Variants in MARCHF1 observed in about 807,000 individuals in gnomAD.
MARCHF1 encodes the protein membrane associated ring-CH-type finger 1.
Under a neutral mutation model 54.2 loss-of-function variants are expected in MARCHF1, and 40 were observed. That is an observed-to-expected ratio of 0.74 (90% CI 0.57 to 0.96). The LOEUF is 0.96. Ranked by LOEUF, MARCHF1 falls within the 40% of genes least tolerant of loss-of-function variation. The pLI is 0.00. For missense variants in MARCHF1, 586 were observed against 656.5 expected, an observed-to-expected ratio of 0.89 and a Z score of 1.17; for synonymous variants, 236 against 236.3, an observed-to-expected ratio of 1.00 and a Z score of 0.01.
intron 5 of MARCHF1, among the ~76,000 whole-genome samples, chr4:163,694,083 A>G (rs906186408): frequency 8.5e-5 from 13 of 152,200 alleles, no homozygotes; most frequent in African/African-American, 3.1e-4. Context: ...AGCTGCAAGT[A>G]GTGAGAGCCC....
chr4:163,832,557 C>T (rs1749056469), intron 4 of MARCHF1, among the ~76,000 whole-genome samples: 1 of 149,612 alleles, frequency 6.7e-6, no homozygotes, highest in Non-Finnish European at 1.5e-5. Context: ...TAGTTTCTTT[C>T]ATCTAGCTCA....
chr4:163,829,661 T>C (rs1441197486), intron 4 of MARCHF1, among the ~76,000 whole-genome samples: 1 of 152,170 alleles, frequency 6.6e-6, no homozygotes, highest in Non-Finnish European at 1.5e-5. Context: ...CTGGATGATA[T>C]GTACGCAAAT....
At chr4:164,168,057 T>C (rs10002697) in intron 1 of MARCHF1, among the ~76,000 whole-genome samples, 28,716 of 151,836 alleles carry the variant, frequency 0.19, 4,366 homozygotes, top group African/African-American at 0.41. Flanking sequence ...TATAAAGTAC[T>C]TTTACAACTC....
Position 163,942,960 on chromosome 4 carries a change from C to T in MARCHF1, c.-39+45541G>A, listed in dbSNP as rs559230473. 6.2e-4 allele frequency among the ~76,000 whole-genome samples: 94 copies of T among 151,536 alleles called. No homozygotes were observed. In the Middle Eastern group the frequency reaches 0.027, roughly 44 times the overall value. On this transcript the variant is annotated intron_variant, in intron 3 of 9. Coordinates refer to ENST00000514618, the MANE Select transcript of MARCHF1 (RefSeq NM_001394959.1). Reference sequence around the variant, plus strand: ...AAAAAAAAAAAGAACAAAATGGATACACTAGTTTTTTGTTGTTGTTGGCCG... The same window carrying T: ...AAAAAAAAAAAGAACAAAATGGATATACTAGTTTTTTGTTGTTGTTGGCCG...
chr4:163,669,705 TCTC>T (rs772077111), intron 5 of MARCHF1, among the ~76,000 whole-genome samples: 20 of 151,916 alleles, frequency 1.3e-4, no homozygotes, highest in South Asian at 8.3e-4. Flanking sequence ...TTCAAGCACT[TCTC>T]CTACCTAAGC....
At chr4:164,242,874 A>G (rs1358228711) in intron 1 of MARCHF1, among the ~76,000 whole-genome samples, 2 of 149,944 alleles carry the variant, frequency 1.3e-5, no homozygotes, top group African/African-American at 4.9e-5. Context: ...AAGAAAGGGT[A>G]TCAGCAATGG....
chr4:163,769,726 T>C (rs1747099587), intron 4 of MARCHF1, among the ~76,000 whole-genome samples: 1 of 152,190 alleles, frequency 6.6e-6, no homozygotes, highest in Admixed American at 6.5e-5. Flanking sequence ...ATATTAGCAG[T>C]AGCCGGGCAC....
chr4:163,566,385 C>T (rs115032653), intron 8 of MARCHF1, among the ~76,000 whole-genome samples: 2,166 of 152,264 alleles, frequency 0.014, 41 homozygotes, highest in African/African-American at 0.042. Context: ...AAAGGAACTG[C>T]CTCTGTAACA....
intron 2 of MARCHF1, among the ~76,000 whole-genome samples, chr4:164,055,680 C>T (rs546123843): frequency 1.3e-4 from 20 of 152,050 alleles, no homozygotes; most frequent in Non-Finnish European, 2.1e-4. Context: ...ATTAGGAAAA[C>T]GAATACAGTC....
intron 1 of MARCHF1, among the ~76,000 whole-genome samples, chr4:164,287,038 G>A (rs1458409130): frequency 6.7e-6 from 1 of 148,458 alleles, no homozygotes; most frequent in East Asian, 1.9e-4. Flanking sequence ...AGGTGCAAAG[G>A]ATTGAGAAAA....
intron 1 of MARCHF1, among the ~76,000 whole-genome samples, chr4:164,244,734 G>T (rs1732885533): frequency 6.6e-6 from 1 of 151,936 alleles, no homozygotes; most frequent in Non-Finnish European, 1.5e-5. Flanking sequence ...GAAAAAAAGA[G>T]AGAAGAATCA....
chr4:164,368,906 G>A (rs138309711), intron 1 of MARCHF1, among the ~76,000 whole-genome samples: 174 of 152,324 alleles, frequency 1.1e-3, no homozygotes, highest in African/African-American at 4.0e-3. Context: ...AGCTGGTGCT[G>A]TGAACAGTCA....
chr4:163,968,837 G>T (rs935678544), intron 3 of MARCHF1, among the ~76,000 whole-genome samples: 1 of 152,118 alleles, frequency 6.6e-6, no homozygotes, highest in African/African-American at 2.4e-5. Flanking sequence ...AAAATAAAGA[G>T]TAGACTTCCT....
chr4:163,929,899 A>G (rs1236359299), intron 3 of MARCHF1, among the ~76,000 whole-genome samples: 1 of 139,276 alleles, frequency 7.2e-6, no homozygotes, highest in African/African-American at 2.7e-5. Context: ...ACTATAAAAA[A>G]CATATTGGAA....
intron 1 of MARCHF1, among the ~76,000 whole-genome samples, chr4:164,260,778 C>A (rs1733439338): frequency 6.6e-6 from 1 of 152,122 alleles, no homozygotes; most frequent in African/African-American, 2.4e-5. Flanking sequence ...CTCAAATATG[C>A]AGTACTGGAT....
chr4:163,680,967 T>C (rs1467673649), intron 5 of MARCHF1, among the ~76,000 whole-genome samples: 1 of 150,668 alleles, frequency 6.6e-6, no homozygotes, highest in Non-Finnish European at 1.5e-5. Context: ...TATATATTAT[T>C]GAGTACCTAA....
intron 2 of MARCHF1, among the ~76,000 whole-genome samples, chr4:164,101,105 G>A (rs1445182395): frequency 1.3e-5 from 2 of 152,232 alleles, no homozygotes; most frequent in African/African-American, 2.4e-5. Flanking sequence ...CTGGCTCGGA[G>A]GGTCCTACGC....
chr4:164,306,081 T>C (rs1304897159), intron 1 of MARCHF1, among the ~76,000 whole-genome samples: 1 of 152,164 alleles, frequency 6.6e-6, no homozygotes, highest in African/African-American at 2.4e-5. Flanking sequence ...AGTGAAATTA[T>C]ATTGTCTTTA....
Position 163,747,003 on chromosome 4 carries a change from G to C in MARCHF1, c.112-46140C>G, listed in dbSNP as rs557653951. Among the ~76,000 whole-genome samples, 83 of 152,278 alleles carry C rather than the reference G, an allele frequency of 5.5e-4. 1 individual carries two copies. The highest frequency in any genetic ancestry group is 3.4e-3 in the Middle Eastern group (1 of 294). The stretch of plus-strand genomic sequence containing the variant: ...CAAAGCTGGGTGAACTTGATCAGCA[G>C]TTTCTAGTACAACACTTTGCTGAGG... On this transcript the variant is annotated intron_variant, in intron 4 of 9. Coordinates refer to ENST00000514618, the MANE Select transcript of MARCHF1 (RefSeq NM_001394959.1).
Sources: allele counts gnomAD v4.1 joint callset (sites outside exome capture counted in the v4.1 genomes callset), GRCh38; gene constraint gnomAD v4.1.1; transcripts MANE v1.5; gene names NCBI Gene and HGNC (gene_info 2026-07-23, HGNC 2026-07-21).